ZNF431: variants seen among roughly 807,000 people sequenced by gnomAD.
ZNF431 encodes zinc finger protein 431.
A neutral mutation model predicts 57.0 loss-of-function variants in ZNF431; 34 were observed. That is an observed-to-expected ratio of 0.60 (90% CI 0.45 to 0.79). The LOEUF is 0.79. Among genes scored for constraint, ZNF431 ranks in the 30% least tolerant of loss-of-function variants. The pLI is 0.00. For synonymous variants in ZNF431, 207 were observed against 220.3 expected, an observed-to-expected ratio of 0.94 and a Z score of 0.54; for missense variants, 607 against 667.1, an observed-to-expected ratio of 0.91 and a Z score of 0.99.
rs369438184 is a variant in ZNF431 at position 21,183,618 on chromosome 19, C to G, written c.1315C>G (p.Arg439Gly). ...KCEECGKAFN[R>G]SPQLTAHKII... is the part of the protein sequence containing the mutation. ...TGAAGAATGTGGCAAAGCTTTTAAC[C>G]GGTCCCCACAACTTACTGCACATAA... is the stretch of plus-strand genomic sequence containing the variant. Residue 439 changes from arginine (R) to glycine (G), a missense_variant, in exon 5 of 5, where the codon CGG (arginine) becomes GGG (glycine). Transcript: ENST00000311048. 1.9e-6 allele frequency: 3 copies of G among 1,613,104 alleles called. No individual in the cohort carries two copies. In the South Asian group the frequency reaches 3.3e-5, roughly 18 times the overall value.
At chr19:21,163,403 A>T (rs1970630418) in intron 2 of ZNF431, among the ~76,000 whole-genome samples, 1 of 152,226 alleles carries the variant, frequency 6.6e-6, no homozygotes. Flanking sequence ...ACTACTGCTA[A>T]TAATGAACCC....
At chr19:21,179,433 C>T (rs1026794486) in intron 4 of ZNF431, among the ~76,000 whole-genome samples, 2 of 151,772 alleles carry the variant, frequency 1.3e-5, no homozygotes, top group African/African-American at 2.4e-5. Context: ...TTGGTTTTCT[C>T]GTTCTTTTAG....
Position 21,184,040 on chromosome 19 carries a change from C to T in ZNF431, c.*6C>T. ...GAATGTGGGAAAGCCTTTAAGCAGTCCTCAACTCTTACTAAGCATTAAATA... is the reference window on the plus strand; with the variant it reads ...GAATGTGGGAAAGCCTTTAAGCAGTTCTCAACTCTTACTAAGCATTAAATA... On this transcript the variant is annotated 3_prime_UTR_variant, in exon 5 of 5. Transcript: ENST00000311048. The T allele has an allele frequency of 6.5e-7, 1 of 1,544,818 alleles. No homozygotes were observed. Among genetic ancestry groups the T allele is most frequent in the Non-Finnish European group, 8.7e-7 (1 of 1,152,476 alleles).
rs1971412977 is a variant in ZNF431 at position 21,187,813 on chromosome 19, C to T, written c.*3779C>T. On this transcript the variant is annotated 3_prime_UTR_variant, in exon 5 of 5. Coordinates refer to ENST00000311048, the MANE Select transcript of ZNF431 (RefSeq NM_133473.4). ...ATGCATTTTCCAACTATGTATGCAT[C>T]ACAGCTATTCTTTTTCTGAGTTATA... The T allele has an allele frequency of 6.6e-6, 1 of 152,206 alleles. No individual in the cohort carries two copies. Among genetic ancestry groups the T allele is most frequent in the Admixed American group, 6.5e-5 (1 of 15,268 alleles). 9.4% of individuals were successfully genotyped at this position (152,206 alleles called of 1,614,324 possible).
rs545621541 is a variant in ZNF431 at position 21,193,641 on chromosome 19, C to T, written c.*9607C>T. The T allele has an allele frequency of 6.6e-6, 1 of 152,220 alleles. No homozygotes were observed. Among genetic ancestry groups the T allele is most frequent in the African/African-American group, 2.4e-5 (1 of 41,544 alleles). 9.4% of individuals were successfully genotyped at this position (152,220 alleles called of 1,614,324 possible). A position where few individuals can be genotyped will look rare whatever the true frequency, so the allele number is the denominator to read the frequency against. ...TTGGGTGAACATTGAAACAAAAATCCTCCATGAAATAATAGCAAGCTGAGT... is the reference window on the plus strand; with the variant it reads ...TTGGGTGAACATTGAAACAAAAATCTTCCATGAAATAATAGCAAGCTGAGT... On this transcript the variant is annotated 3_prime_UTR_variant, in exon 5 of 5. Coordinates refer to ENST00000311048, the MANE Select transcript of ZNF431 (RefSeq NM_133473.4).
At chr19:21,143,103 G>A (rs1969985250) in intron 1 of ZNF431, among the ~76,000 whole-genome samples, 1 of 151,990 alleles carries the variant, frequency 6.6e-6, no homozygotes, top group East Asian at 1.9e-4. Flanking sequence ...GTTCCTTCTG[G>A]TGTTTCCAAA....
At position 21,182,771 on chromosome 19, in the gene ZNF431, G is replaced by T. The variant is rs779320429; in HGVS notation, c.468G>T (p.Val156=). 10 of 1,613,852 alleles carry T rather than the reference G, an allele frequency of 6.2e-6. No individual in the cohort carries two copies. The highest frequency in any genetic ancestry group is 1.7e-5 in the Admixed American group (1 of 59,988). Residue 156 remains valine, a synonymous_variant, in exon 5 of 5, where the codon GTG becomes GTT. Transcript: ENST00000311048. ...CCGCAAGTGTAGATGAGTATAAGGT[G>T]CACAAAGAAGGTTATAATGAGCTAA... ...KGSASVDEYK[V]HKEGYNELNQ... is the part of the protein sequence containing the mutation.
rs1256112099 is a variant in ZNF431, at chr19:21,183,172, G to A, written c.869G>A (p.Cys290Tyr). 2.5e-6 allele frequency: 4 copies of A among 1,613,966 alleles called. No individual in the cohort carries two copies. Among genetic ancestry groups the A allele is most frequent in the Non-Finnish European group, 2.5e-6 (3 of 1,179,946 alleles). Reference protein sequence around the residue: ...IIHTGEKPYRCEECGKAFNRS... With the variant: ...IIHTGEKPYRYEECGKAFNRS... ...CATACTGGGGAGAAACCATATAGAT[G>A]TGAAGAATGTGGCAAAGCCTTCAAC... Residue 290 changes from cysteine (C) to tyrosine (Y), a missense_variant, in exon 5 of 5, where the codon TGT becomes TAT. By Grantham distance (194) the Cys-to-Tyr change is radical. Transcript: ENST00000311048.
chr19:21,176,703 A>G (rs937094989), intron 4 of ZNF431, among the ~76,000 whole-genome samples: 1 of 151,502 alleles, frequency 6.6e-6, no homozygotes, highest in African/African-American at 2.4e-5. Context: ...TATTTTATTT[A>G]TTTATTTTTT....
chr19:21,162,735 T>C, intron 2 of ZNF431: 1 of 985,440 alleles, frequency 1.0e-6, no homozygotes, highest in Non-Finnish European at 1.2e-6. Flanking sequence ...GTGCTCAAAA[T>C]TTCAGAAACC....
In ZNF431 at chr19:21,183,019, A is replaced by G. The variant is rs1165781552; in HGVS notation, c.716A>G (p.Lys239Arg). 1 of 1,614,034 alleles carries G rather than the reference A, an allele frequency of 6.2e-7. No homozygotes were observed. Among genetic ancestry groups the G allele is most frequent in the African/African-American group, 1.3e-5 (1 of 74,954 alleles). Residue 239 changes from lysine to arginine, a missense_variant, in exon 5 of 5, where the codon AAA becomes AGA. Coordinates refer to ENST00000311048, the MANE Select transcript of ZNF431 (RefSeq NM_133473.4). Reference sequence around the variant, plus strand: ...TCTTACCAATGTGAAGAATGTGGCAAAGCTTTTAAATGGTTCTCAACCCTT... The same window carrying G: ...TCTTACCAATGTGAAGAATGTGGCAGAGCTTTTAAATGGTTCTCAACCCTT... ...ENSYQCEECG[K>R]AFKWFSTLTR...
Position 21,188,587 on chromosome 19 carries a change from G to A in ZNF431, c.*4553G>A, listed in dbSNP as rs1179383079. On this transcript the variant is annotated 3_prime_UTR_variant, in exon 5 of 5. Coordinates refer to ENST00000311048, the MANE Select transcript of ZNF431 (RefSeq NM_133473.4). Reference sequence around the variant, plus strand: ...TGAAAAATAATGTCTTTTCTATATTGATTTTACAATTTGGAGAAATTTTTC... The same window carrying A: ...TGAAAAATAATGTCTTTTCTATATTAATTTTACAATTTGGAGAAATTTTTC... The A allele has an allele frequency of 6.6e-6, 1 of 151,994 alleles. No individual in the cohort carries two copies. The highest frequency in any genetic ancestry group is 1.5e-5 in the Non-Finnish European group (1 of 67,982). 9.4% of individuals were successfully genotyped at this position (151,994 alleles called of 1,614,324 possible).
At chr19:21,181,872 A>G (rs1971218285) in intron 4 of ZNF431, among the ~76,000 whole-genome samples, 5 of 152,118 alleles carry the variant, frequency 3.3e-5, no homozygotes, top group Admixed American at 3.3e-4. Flanking sequence ...TTTGATTAAT[A>G]TTTGGACATT....
chr19:21,165,062 T>C (rs1970680864), intron 2 of ZNF431, among the ~76,000 whole-genome samples: 2 of 139,216 alleles, frequency 1.4e-5, no homozygotes, highest in South Asian at 4.7e-4. Context: ...TGAGCCGAGA[T>C]CACACCATTG....
rs143887146 is a variant in ZNF431 at position 21,146,154 on chromosome 19, C to T, written c.96+2511C>T. 3.6e-3 allele frequency among the ~76,000 whole-genome samples: 550 copies of T among 152,100 alleles called. 1 individual carries two copies. The highest frequency in any genetic ancestry group is 6.9e-3 in the Non-Finnish European group (471 of 67,986). ...GCTCAAGAAAAAATTCAGGGTGAGT[C>T]CATACAGTAAAGTAAAAGGAAGTAT... On this transcript the variant is annotated intron_variant, in intron 2 of 4. Coordinates refer to ENST00000311048, the MANE Select transcript of ZNF431 (RefSeq NM_133473.4).
chr19:21,194,886 C>G lies in ZNF431; in HGVS notation c.*10852C>G, dbSNP rs1358297030. 1 of 152,190 alleles carries G rather than the reference C, an allele frequency of 6.6e-6. No individual in the cohort carries two copies. The highest frequency in any genetic ancestry group is 1.5e-5 in the Non-Finnish European group (1 of 68,038). 9.4% of individuals were successfully genotyped at this position (152,190 alleles called of 1,614,324 possible). ...CCAGAAACAAGAGGCAAGGCAGGCC[C>G]TGGGGGCCTCACAAAGGCGGTCTTA... On this transcript the variant is annotated 3_prime_UTR_variant, in exon 5 of 5. Transcript: ENST00000311048.
intron 2 of ZNF431, among the ~76,000 whole-genome samples, chr19:21,155,636 T>C (rs1970397261): frequency 6.6e-6 from 1 of 152,100 alleles, no homozygotes; most frequent in African/African-American, 2.4e-5. Context: ...AAACAGTAGC[T>C]CAGAAGCATA....
intron 2 of ZNF431, among the ~76,000 whole-genome samples, chr19:21,147,990 A>T (rs1268516844): frequency 5.3e-5 from 8 of 149,590 alleles, no homozygotes; most frequent in African/African-American, 1.7e-4. Flanking sequence ...TTCTTAGTGA[A>T]TTTTTTTTAA....
intron 4 of ZNF431, chr19:21,175,312 C>T (rs1971019545): frequency 1.6e-6 from 1 of 618,608 alleles, no homozygotes; most frequent in African/African-American, 1.9e-5. Context: ...CCCTTGGCCT[C>T]CCAAAGTTCT....
Sources: gnomAD v4.1 joint callset for allele counts (sites outside exome capture counted in the v4.1 genomes callset) on GRCh38, gnomAD v4.1.1 for gene constraint, MANE v1.5 for transcripts, NCBI Gene and HGNC (gene_info 2026-07-23, HGNC 2026-07-21) for gene names.